Variants in MTSS1 observed in about 807,000 individuals in gnomAD.
MTSS1 encodes the protein MTSS I-BAR domain containing 1.
Under a neutral mutation model 79.0 loss-of-function variants are expected in MTSS1, and 18 were observed. The observed-to-expected ratio is 0.23, with a 90% CI of 0.16 to 0.34. MTSS1 has a LOEUF of 0.34. Among genes scored for constraint, MTSS1 ranks in the 10% least tolerant of loss-of-function variants. The pLI is 1.00. For missense variants in MTSS1, 815 were observed against 986.2 expected, an observed-to-expected ratio of 0.83 and a Z score of 2.33; for synonymous variants, 341 against 368.6, an observed-to-expected ratio of 0.93 and a Z score of 0.86.
chr8:124,704,453 T>C (rs979923558), intron 1 of MTSS1, among the ~76,000 whole-genome samples: 11 of 151,964 alleles, frequency 7.2e-5, no homozygotes, highest in Admixed American at 2.6e-4. Context: ...CACTTTTGAG[T>C]TGGTAGATGG....
intron 3 of MTSS1, among the ~76,000 whole-genome samples, chr8:124,622,269 G>A (rs1813711192): frequency 6.6e-6 from 1 of 151,812 alleles, no homozygotes; most frequent in Non-Finnish European, 1.5e-5. Flanking sequence ...ATTTTTTTAA[G>A]TAGAAGACAT....
chr8:124,587,574 C>T (rs536456666), intron 5 of MTSS1, among the ~76,000 whole-genome samples: 238 of 152,364 alleles, frequency 1.6e-3, no homozygotes, highest in Non-Finnish European at 2.5e-3. Context: ...TCTCAGCTCA[C>T]CGCAGCCTCC....
Position 124,727,033 on chromosome 8 carries a change from C to T in MTSS1, c.72+851G>A, listed in dbSNP as rs530449156. ...AATCCACATCCGAGGATCAGGTTAT[C>T]CCCAGTCCCACCCTTTGCAGGAAAA... is the stretch of plus-strand genomic sequence containing the variant. On this transcript the variant is annotated intron_variant, in intron 1 of 13. Transcript: ENST00000518547. This position sits in a 1 kb window ranked among gnomAD's most constrained non-coding sequence, Gnocchi z 4.7. Among the ~76,000 whole-genome samples the T allele has an allele frequency of 2.6e-5, 4 of 152,290 alleles. No individual in the cohort carries two copies. The East Asian group carries it at 7.7e-4, about 29-fold the overall frequency.
chr8:124,651,433 A>C (rs1444924756), intron 3 of MTSS1, among the ~76,000 whole-genome samples: 1 of 151,848 alleles, frequency 6.6e-6, no homozygotes, highest in African/African-American at 2.4e-5. Flanking sequence ...ATGGCTACCA[A>C]ATACAGTCCA....
chr8:124,669,093 AAAC>A (rs1387950955), intron 3 of MTSS1, among the ~76,000 whole-genome samples: 3 of 152,214 alleles, frequency 2.0e-5, no homozygotes, highest in African/African-American at 7.2e-5. Flanking sequence ...ATCTCTCAGT[AAAC>A]ACCAGCCACA....
chr8:124,681,202 A>G (rs1826071982), intron 3 of MTSS1, among the ~76,000 whole-genome samples: 1 of 146,346 alleles, frequency 6.8e-6, no homozygotes, highest in African/African-American at 2.8e-5. Flanking sequence ...AAGCTGTGAC[A>G]TTTAAAAAAA....
At chr8:124,599,387 G>A (rs1198964294) in intron 3 of MTSS1, among the ~76,000 whole-genome samples, 1 of 151,232 alleles carries the variant, frequency 6.6e-6, no homozygotes, top group Non-Finnish European at 1.5e-5. Flanking sequence ...GGAGGCTGAG[G>A]CAGGAGAATC....
intron 13 of MTSS1, among the ~76,000 whole-genome samples, chr8:124,555,277 G>C (rs973237420): frequency 8.6e-5 from 13 of 151,884 alleles, no homozygotes; most frequent in South Asian, 2.1e-4. Flanking sequence ...ACAGAGTCTT[G>C]CTCTGTCACC....
chr8:124,691,187 G>C (rs1040468683), intron 3 of MTSS1, among the ~76,000 whole-genome samples: 12 of 152,042 alleles, frequency 7.9e-5, no homozygotes, highest in African/African-American at 2.9e-4. Context: ...AAAATGATGA[G>C]ACCAAAAGCA....
intron 3 of MTSS1, among the ~76,000 whole-genome samples, chr8:124,640,614 G>A (rs555886333): frequency 6.6e-6 from 1 of 152,318 alleles, no homozygotes; most frequent in Non-Finnish European, 1.5e-5. Context: ...CGTGATCTCA[G>A]CTCACTGCAA....
chr8:124,728,028 C>T lies in MTSS1; in HGVS notation c.-73G>A. Reference sequence around the variant, plus strand: ...TGCGCGCGGGGCCGGGGCTCGCTCACCCCAGAAGGAATTTCACCTTCCGAG... The same window carrying T: ...TGCGCGCGGGGCCGGGGCTCGCTCATCCCAGAAGGAATTTCACCTTCCGAG... On this transcript the variant is annotated 5_prime_UTR_variant, in exon 1 of 14. It adds an upstream start codon to the 5' untranslated region. Transcript: ENST00000518547. The surrounding 1 kb of genome is among the most constrained non-coding windows in gnomAD (Gnocchi z 6.1). 5.7e-6 allele frequency: 8 copies of T among 1,391,400 alleles called. No homozygotes were observed. The highest frequency in any genetic ancestry group is 6.0e-6 in the Non-Finnish European group (6 of 995,480). The allele number at this position is 1,391,400 out of a possible 1,614,324, so 86.2% of individuals were successfully genotyped here.
At chr8:124,605,611 G>GCGCTGCCCCCCTCCCTGCCCTCT in intron 3 of MTSS1, among the ~76,000 whole-genome samples, 1 of 109,486 alleles carries the variant, frequency 9.1e-6, no homozygotes, top group Admixed American at 8.5e-5. Context: ...CCCTGCCCTC[G>GCGCTGCCCCCCTCCCTGCCCTCT]CGCTGCCTCC....
At chr8:124,603,106 ACCTACAC>A (rs1278410751) in intron 3 of MTSS1, among the ~76,000 whole-genome samples, 1 of 151,990 alleles carries the variant, frequency 6.6e-6, no homozygotes, top group Non-Finnish European at 1.5e-5. Flanking sequence ...GCTCACCACA[ACCTACAC>A]CTCCCGGGTT....
chr8:124,600,054 ACAAAAAAAAAAC>A lies in MTSS1; in HGVS notation c.209-8831_209-8820del, dbSNP rs757832653. 4.8e-4 allele frequency among the ~76,000 whole-genome samples: 37 copies of A among 76,548 alleles called. No individual in the cohort carries two copies. In the East Asian group the frequency reaches 0.016, roughly 33 times the overall value. 50.2% of individuals were successfully genotyped at this position (76,548 alleles called of 152,430 possible). A position where few individuals can be genotyped will look rare whatever the true frequency, so the allele number is the denominator to read the frequency against. ...TGGTTGTACTACAAAAAAAAAAAAA[ACAAAAAAAAAAC>A]CAAATATGCTGACCAGTGTCTCATG... On this transcript the variant is annotated intron_variant, in intron 3 of 13. Coordinates refer to ENST00000518547, the MANE Select transcript of MTSS1 (RefSeq NM_014751.6).
Position 124,704,458 on chromosome 8 carries a change from AG to A in MTSS1, c.73-268del, listed in dbSNP as rs149334065. ...CTGACACATACACTTTTGAGTTGGT[AG>A]ATGGTGGGTCCAAATTTAAGGTGTA... On this transcript the variant is annotated intron_variant, in intron 1 of 13. Coordinates refer to ENST00000518547, the MANE Select transcript of MTSS1 (RefSeq NM_014751.6). 6.0e-3 allele frequency among the ~76,000 whole-genome samples: 918 copies of A among 152,338 alleles called. 14 individuals carry two copies. Among genetic ancestry groups the A allele is most frequent in the African/African-American group, 0.021 (887 of 41,566 alleles).
intron 3 of MTSS1, among the ~76,000 whole-genome samples, chr8:124,656,252 AG>A (rs1410024309): frequency 6.6e-6 from 1 of 152,212 alleles, no homozygotes; most frequent in Non-Finnish European, 1.5e-5. Context: ...TCCTTTAGGA[AG>A]AGAAAATCAG....
intron 3 of MTSS1, among the ~76,000 whole-genome samples, chr8:124,615,922 G>T (rs1294003851): frequency 1.3e-5 from 2 of 148,354 alleles, no homozygotes; most frequent in Non-Finnish European, 3.1e-5. Context: ...CTCCTGGTCA[G>T]TGCCCCAGAC....
chr8:124,561,725 C>T (rs776523192), intron 10 of MTSS1, among the ~76,000 whole-genome samples: 57 of 152,036 alleles, frequency 3.7e-4, no homozygotes, highest in Non-Finnish European at 7.1e-4. Flanking sequence ...GCCCTCCTCC[C>T]GACCCTTTGC....
At position 124,590,988 on chromosome 8, in the gene MTSS1, G is replaced by A. The variant is rs924863748; in HGVS notation, c.293+163C>T. Among the ~76,000 whole-genome samples, 6 of 149,990 alleles carry A rather than the reference G, an allele frequency of 4.0e-5. No homozygotes were observed. In the East Asian group the frequency reaches 6.0e-4, roughly 15 times the overall value. On this transcript the variant is annotated intron_variant, in intron 4 of 13. Transcript: ENST00000518547. ...TGATCTGCTGCACCCCCAGGGCCTC[G>A]ACCAGTGCCTGGTATGCAGCAGATG... is the stretch of plus-strand genomic sequence containing the variant.
Sources: gnomAD v4.1 joint callset for allele counts (sites outside exome capture counted in the v4.1 genomes callset) on GRCh38, gnomAD v4.1.1 for gene constraint, Gnocchi (gnomAD v3.1) non-coding constraint, MANE v1.5 for transcripts, NCBI Gene and HGNC (gene_info 2026-07-23, HGNC 2026-07-21) for gene names.